The following TMPRSS11F variants were observed in gnomAD, a reference collection of about 807,000 sequenced individuals.
The protein encoded by TMPRSS11F is transmembrane serine protease 11F, also known as transmembrane protease serine 11F.
Under a neutral mutation model 60.2 loss-of-function variants are expected in TMPRSS11F, and 47 were observed. That is an observed-to-expected ratio of 0.78 (90% CI 0.62 to 1.00). The LOEUF is 1.00. TMPRSS11F is among the 50% of genes least tolerant of loss of function. The pLI, the probability that TMPRSS11F is intolerant of heterozygous loss-of-function variation, is 0.00. For missense variants in TMPRSS11F, 519 were observed against 522.9 expected, an observed-to-expected ratio of 0.99 and a Z score of 0.07; for synonymous variants, 166 against 167.3, an observed-to-expected ratio of 0.99 and a Z score of 0.06.
chr4:68,099,130 T>C, intron 1 of TMPRSS11F, 92 bp from the exon 2 acceptor site: 12 of 1,114,410 alleles, frequency 1.1e-5, no homozygotes, highest in Non-Finnish European at 1.5e-5. Context: ...AAATAGTTTA[T>C]ACTGCTAAAT....
intron 1 of TMPRSS11F, among the ~76,000 whole-genome samples, chr4:68,127,085 A>T (rs921936996): frequency 1.3e-5 from 2 of 152,162 alleles, no homozygotes; most frequent in Admixed American, 1.3e-4. Flanking sequence ...AACTTTTATT[A>T]TGTAGTATGG....
intron 2 of TMPRSS11F, 78 bp downstream of exon 2, chr4:68,098,809 A>C: frequency 2.2e-6 from 3 of 1,338,042 alleles, no homozygotes; most frequent in Non-Finnish European, 3.1e-6. Flanking sequence ...TGCAAATGTC[A>C]CTTTTTATAC....
At chr4:68,093,564 A>G (rs1019200858) in intron 2 of TMPRSS11F, among the ~76,000 whole-genome samples, 14 of 152,146 alleles carry the variant, frequency 9.2e-5, no homozygotes, top group African/African-American at 3.4e-4. Flanking sequence ...TAATTAAACT[A>G]AAGAGCTTCT....
chr4:68,084,450 C>G, intron 3 of TMPRSS11F, among the ~76,000 whole-genome samples: 1 of 152,110 alleles, frequency 6.6e-6, no homozygotes, highest in East Asian at 1.9e-4. Context: ...TAAGTGGAAC[C>G]TAATCAGGCC....
At chr4:68,085,608 T>C (rs111614376) in intron 3 of TMPRSS11F, among the ~76,000 whole-genome samples, 6,145 of 152,246 alleles carry the variant, frequency 0.04, 372 homozygotes, top group African/African-American at 0.13. Flanking sequence ...AAATGTCCCA[T>C]TTAAAAGGCA....
chr4:68,054,715 CTTAT>C (rs1195359094), intron 9 of TMPRSS11F, among the ~76,000 whole-genome samples: 1 of 152,094 alleles, frequency 6.6e-6, no homozygotes, highest in African/African-American at 2.4e-5. Flanking sequence ...CACTTCCTCA[CTTAT>C]TTATTTATCT....
Position 68,053,690 on chromosome 4 carries a change from G to C in TMPRSS11F, c.*219C>G. 1 of 422,872 alleles carries C rather than the reference G, an allele frequency of 2.4e-6. No individual in the cohort carries two copies. The highest frequency in any genetic ancestry group is 3.5e-5 in the East Asian group (1 of 28,558). 26.2% of individuals were successfully genotyped at this position (422,872 alleles called of 1,614,324 possible). A position where few individuals can be genotyped will look rare whatever the true frequency, so the allele number is the denominator to read the frequency against. ...CAGTTTCCCTTGTGAGTAAGGAATA[G>C]GTGCTGTCTGTCATTTGCTGTGTCT... On this transcript the variant is annotated 3_prime_UTR_variant, in exon 10 of 10. Coordinates refer to ENST00000356291, the MANE Select transcript of TMPRSS11F (RefSeq NM_207407.2).
intron 1 of TMPRSS11F, among the ~76,000 whole-genome samples, chr4:68,115,435 T>G (rs191343209): frequency 6.6e-6 from 1 of 150,424 alleles, no homozygotes; most frequent in Admixed American, 6.6e-5. Flanking sequence ...GGAAATCCTA[T>G]AGCTAATATA....
intron 1 of TMPRSS11F, among the ~76,000 whole-genome samples, chr4:68,122,450 C>T (rs181863263): frequency 7.9e-5 from 12 of 152,058 alleles, no homozygotes; most frequent in Non-Finnish European, 1.3e-4. Flanking sequence ...AATGATAATA[C>T]CAATATTTCA....
chr4:68,095,270 ATACAAC>A (rs1379211774), intron 2 of TMPRSS11F, among the ~76,000 whole-genome samples: 2 of 152,004 alleles, frequency 1.3e-5, no homozygotes, highest in African/African-American at 2.4e-5. Flanking sequence ...TTTCTAATAC[ATACAAC>A]TGACAATGAA....
chr4:68,090,900 G>T (rs1397418173), intron 2 of TMPRSS11F, among the ~76,000 whole-genome samples: 1 of 152,014 alleles, frequency 6.6e-6, no homozygotes, highest in Non-Finnish European at 1.5e-5. Context: ...CATAAAATTG[G>T]ACATGCAACA....
chr4:68,080,531 G>C (rs545678846), intron 3 of TMPRSS11F: 1 of 152,164 alleles, frequency 6.6e-6, no homozygotes, highest in African/African-American at 2.4e-5. Context: ...TGTCTGGTAG[G>C]CTATGCTCCA....
intron 1 of TMPRSS11F, among the ~76,000 whole-genome samples, chr4:68,122,487 T>C (rs1187860816): frequency 6.6e-6 from 1 of 152,214 alleles, no homozygotes; most frequent in Non-Finnish European, 1.5e-5. Flanking sequence ...ATTTGGAATC[T>C]AGCTTTCATG....
intron 8 of TMPRSS11F, among the ~76,000 whole-genome samples, chr4:68,059,930 G>T: frequency 6.6e-6 from 1 of 152,074 alleles, no homozygotes. Context: ...ATTATTTAGG[G>T]GTGTCTCACA....
intron 1 of TMPRSS11F, among the ~76,000 whole-genome samples, chr4:68,125,875 A>G (rs1207793720): frequency 6.6e-6 from 1 of 152,144 alleles, no homozygotes; most frequent in Non-Finnish European, 1.5e-5. Flanking sequence ...CCAGTATTTA[A>G]TGTTTTTCAA....
At chr4:68,075,550 T>C (rs1364409670) in intron 3 of TMPRSS11F, among the ~76,000 whole-genome samples, 1 of 152,144 alleles carries the variant, frequency 6.6e-6, no homozygotes, top group Non-Finnish European at 1.5e-5. Flanking sequence ...AAAGCTTGTA[T>C]GGCAATATCC....
chr4:68,102,100 T>C (rs1724204307), intron 1 of TMPRSS11F, among the ~76,000 whole-genome samples: 1 of 152,176 alleles, frequency 6.6e-6, no homozygotes, highest in South Asian at 2.1e-4. Flanking sequence ...TTCTGGCTTA[T>C]GTCACTTAGC....
intron 1 of TMPRSS11F, among the ~76,000 whole-genome samples, chr4:68,103,368 C>T (rs948444249): frequency 6.6e-6 from 1 of 151,582 alleles, no homozygotes; most frequent in African/African-American, 2.4e-5. Context: ...ATCACCTGAG[C>T]CCAGGAGGTC....
intron 3 of TMPRSS11F, among the ~76,000 whole-genome samples, chr4:68,088,052 G>T (rs6828502): frequency 0.33 from 50,099 of 151,458 alleles, 8,603 homozygotes; most frequent in East Asian, 0.49. Flanking sequence ...CATGAACTCA[G>T]CATTTCTTAT....
Sources: gnomAD v4.1 joint callset for allele counts (sites outside exome capture counted in the v4.1 genomes callset) on GRCh38, gnomAD v4.1.1 for gene constraint, MANE v1.5 for transcripts, NCBI Gene and HGNC (gene_info 2026-07-23, HGNC 2026-07-21) for gene names.